Variants in VWA8 observed in about 807,000 individuals in gnomAD.
VWA8 encodes the protein von Willebrand factor A domain-containing protein 8.
Under a neutral mutation model 241.5 loss-of-function variants are expected in VWA8, and 221 were observed. That is an observed-to-expected ratio of 0.91 (90% CI 0.82 to 1.02). VWA8 has a LOEUF of 1.02. Among genes scored for constraint, VWA8 ranks in the 50% least tolerant of loss-of-function variants. The pLI is 0.00. For synonymous variants in VWA8, 852 were observed against 827.1 expected (o/e 1.03, Z -0.52); for missense variants, 2,322 against 2,328.7 (o/e 1.00, Z 0.06).
intron 32 of VWA8, among the ~76,000 whole-genome samples, chr13:41,690,843 C>T (rs2137816847): frequency 6.6e-6 from 1 of 152,176 alleles, no homozygotes; most frequent in African/African-American, 2.4e-5. Context: ...TCAAGAACTG[C>T]ACAGTCCAAT....
At chr13:41,605,091 TAA>T in intron 40 of VWA8, 75 bp downstream of exon 40, 1 of 1,441,814 alleles carries the variant, frequency 6.9e-7, no homozygotes, top group Non-Finnish European at 9.6e-7. Flanking sequence ...AGGGTTCAGA[TAA>T]TTTTCTCCAA....
chr13:41,921,401 C>T (rs2138126560), intron 2 of VWA8, among the ~76,000 whole-genome samples: 1 of 152,300 alleles, frequency 6.6e-6, no homozygotes, highest in East Asian at 1.9e-4. Flanking sequence ...CCTCTCTCAC[C>T]ACTCCTATTC....
In VWA8 at chr13:41,680,519, A is replaced by G. The variant is rs570550868; in HGVS notation, c.4327+4528T>C. ...ATTTTAGTAACACTACTTAAACAAA[A>G]GAAGGGAAATAAAACTCCTAGAACC... On this transcript the variant is annotated intron_variant, in intron 35 of 44. Coordinates refer to ENST00000379310, the MANE Select transcript of VWA8 (RefSeq NM_015058.2). Among the ~76,000 whole-genome samples the G allele has an allele frequency of 3.9e-5, 6 of 152,332 alleles. No homozygotes were observed. The South Asian group carries it at 1.2e-3, about 32-fold the overall frequency.
intron 42 of VWA8, 22 bp downstream of exon 42, chr13:41,587,490 T>C (rs542423888): frequency 5.8e-5 from 93 of 1,613,822 alleles, no homozygotes; most frequent in Admixed American, 5.7e-4. Flanking sequence ...TGCCTCTCAT[T>C]ATTCTTAGTT....
chr13:41,625,915 A>G (rs2044687178), intron 37 of VWA8, among the ~76,000 whole-genome samples: 1 of 150,492 alleles, frequency 6.6e-6, no homozygotes, highest in African/African-American at 2.5e-5. Context: ...AAAAATGATG[A>G]TTTCATGTCC....
chr13:41,643,545 T>C (rs7981182), intron 37 of VWA8, among the ~76,000 whole-genome samples: 6,170 of 152,310 alleles, frequency 0.041, 158 homozygotes, highest in South Asian at 0.078. Context: ...ACTTCTACCC[T>C]GCCACTTTCC....
intron 21 of VWA8, among the ~76,000 whole-genome samples, chr13:41,741,507 G>A (rs2045568973): frequency 6.6e-6 from 1 of 152,090 alleles, no homozygotes; most frequent in Non-Finnish European, 1.5e-5. Flanking sequence ...TTGTTCTATA[G>A]AAAGCACTTT....
chr13:41,748,707 C>G (rs528758639), intron 21 of VWA8, among the ~76,000 whole-genome samples: 1 of 152,260 alleles, frequency 6.6e-6, no homozygotes, highest in East Asian at 1.9e-4. Flanking sequence ...TAATGCCACA[C>G]ATCTACAACT....
At chr13:41,935,050 T>A (rs892392926) in intron 2 of VWA8, among the ~76,000 whole-genome samples, 1 of 152,094 alleles carries the variant, frequency 6.6e-6, no homozygotes, top group African/African-American at 2.4e-5. Context: ...ATATTTGTAA[T>A]AGGAACAAAA....
chr13:41,750,959 G>A (rs1209486387), intron 21 of VWA8, among the ~76,000 whole-genome samples: 1 of 151,286 alleles, frequency 6.6e-6, no homozygotes, highest in African/African-American at 2.4e-5. Context: ...AATGTATGAA[G>A]CTAGCTGTGT....
chr13:41,794,064 C>T (rs1318589285), intron 17 of VWA8, among the ~76,000 whole-genome samples: 1 of 151,882 alleles, frequency 6.6e-6, no homozygotes, highest in Non-Finnish European at 1.5e-5. Flanking sequence ...AGTTTGAAGT[C>T]AGGTAGTGTG....
intron 23 of VWA8, among the ~76,000 whole-genome samples, chr13:41,729,287 A>C (rs1226722962): frequency 6.6e-6 from 1 of 152,110 alleles, no homozygotes; most frequent in East Asian, 1.9e-4. Flanking sequence ...GGTATGTCAG[A>C]GTAGAAAAAT....
intron 37 of VWA8, among the ~76,000 whole-genome samples, chr13:41,669,330 T>C: frequency 6.6e-6 from 1 of 152,240 alleles, no homozygotes; most frequent in Non-Finnish European, 1.5e-5. Flanking sequence ...CAGTTACATC[T>C]AAACAAATAA....
chr13:41,814,880 C>G (rs1049626036), intron 16 of VWA8, among the ~76,000 whole-genome samples: 1 of 152,074 alleles, frequency 6.6e-6, no homozygotes, highest in African/African-American at 2.4e-5. Context: ...CCCTGCAATC[C>G]TGGAACTGAA....
chr13:41,638,235 C>A (rs2044771810), intron 37 of VWA8, among the ~76,000 whole-genome samples: 1 of 152,156 alleles, frequency 6.6e-6, no homozygotes, highest in Non-Finnish European at 1.5e-5. Context: ...TGTAAACTAG[C>A]ATTCAAACAT....
chr13:41,611,506 T>A, intron 39 of VWA8, 70 bp downstream of exon 39: 1 of 1,534,020 alleles, frequency 6.5e-7, no homozygotes, highest in Non-Finnish European at 8.8e-7. Context: ...CAAATCTAGG[T>A]TTCCCCACAG....
rs1033553049 is a variant in VWA8, at chr13:41,961,045, G to A, written c.-30C>T. 3.0e-6 allele frequency: 4 copies of A among 1,355,644 alleles called. No individual in the cohort carries two copies. The highest frequency in any genetic ancestry group is 3.8e-6 in the Non-Finnish European group (4 of 1,060,470). The allele number at this position is 1,355,644 out of a possible 1,614,324, so 84.0% of individuals were successfully genotyped here. ...CCGGGGGGGCTGTCGGGGACGGCGA[G>A]GGGGCTCGGGGATCGAGCGGCGTCC... is the stretch of plus-strand genomic sequence containing the variant. On this transcript the variant is annotated 5_prime_UTR_variant, in exon 1 of 45. Coordinates refer to ENST00000379310, the MANE Select transcript of VWA8 (RefSeq NM_015058.2).
At chr13:41,880,048 C>T (rs77783244) in intron 9 of VWA8, among the ~76,000 whole-genome samples, 1,846 of 152,180 alleles carry the variant, frequency 0.012, 17 homozygotes, top group South Asian at 0.029. Flanking sequence ...GTGTGACTGG[C>T]CTTTTGGAAA....
At chr13:41,895,127 G>A (rs1436324305) in intron 4 of VWA8, among the ~76,000 whole-genome samples, 1 of 152,034 alleles carries the variant, frequency 6.6e-6, no homozygotes, top group Non-Finnish European at 1.5e-5. Context: ...GTTGGAGATA[G>A]TTTGGTCTGT....
Sources: gnomAD v4.1 joint callset for allele counts (sites outside exome capture counted in the v4.1 genomes callset) on GRCh38, gnomAD v4.1.1 for gene constraint, MANE v1.5 for transcripts, NCBI Gene and HGNC (gene_info 2026-07-23, HGNC 2026-07-21) for gene names.